BTBD7: variants seen among roughly 807,000 people sequenced by gnomAD.
BTBD7 encodes the protein BTB/POZ domain-containing protein 7.
Under a neutral mutation model 99.9 loss-of-function variants are expected in BTBD7, and 38 were observed. That is an observed-to-expected ratio of 0.38 (90% CI 0.29 to 0.50). BTBD7 has a LOEUF of 0.50. Among genes scored for constraint, BTBD7 ranks in the 20% least tolerant of loss-of-function variants. The pLI, the probability that BTBD7 is intolerant of heterozygous loss-of-function variation, is 0.93. For synonymous variants in BTBD7, 520 were observed against 511.4 expected, an observed-to-expected ratio of 1.02 and a Z score of -0.23; for missense variants, 1,170 against 1,394.6, an observed-to-expected ratio of 0.84 and a Z score of 2.57.
rs1402015332 is a variant in BTBD7, at chr14:93,282,888, CAT to C, written c.1162+10968_1162+10969del. 2.0e-5 allele frequency among the ~76,000 whole-genome samples: 3 copies of C among 152,208 alleles called. No individual in the cohort carries two copies. The East Asian group carries it at 5.8e-4, about 29-fold the overall frequency. ...AATTATTCTATTTTACTTTGAAAGT[CAT>C]ATATAAATGGTGGTATGTGCAAGGT... On this transcript the variant is annotated intron_variant, in intron 3 of 10. Transcript: ENST00000334746.
At chr14:93,300,760 GTGTGTGTGTGTGTATATATA>G (rs1566857134) in intron 1 of BTBD7, among the ~76,000 whole-genome samples, 10 of 36,458 alleles carry the variant, frequency 2.7e-4, no homozygotes, top group South Asian at 7.9e-4. Context: ...GTGTGTGTGT[GTGTGTGTGTGTGTATATATA>G]TATATATTTT....
chr14:93,290,082 A>T (rs1413149413), intron 3 of BTBD7, among the ~76,000 whole-genome samples: 5 of 151,862 alleles, frequency 3.3e-5, no homozygotes, highest in African/African-American at 1.2e-4. Flanking sequence ...CGAACTCCTG[A>T]CTTCAGGTGA....
intron 1 of BTBD7, among the ~76,000 whole-genome samples, chr14:93,300,764 GTGTGTGTGTATATA>G (rs1566857152): frequency 5.4e-4 from 17 of 31,530 alleles, no homozygotes; most frequent in East Asian, 2.2e-3. Flanking sequence ...GTGTGTGTGT[GTGTGTGTGTATATA>G]TATATATATT....
chr14:93,266,384 C>T (rs1445724540), intron 3 of BTBD7, among the ~76,000 whole-genome samples: 1 of 151,942 alleles, frequency 6.6e-6, no homozygotes, highest in African/African-American at 2.4e-5. Context: ...GTAGAGAGTT[C>T]GCAACTTATC....
chr14:93,277,277 T>C (rs1438326631), intron 3 of BTBD7, among the ~76,000 whole-genome samples: 1 of 152,190 alleles, frequency 6.6e-6, no homozygotes, highest in Non-Finnish European at 1.5e-5. Flanking sequence ...ATTAGTGTTA[T>C]CTAATACGGC....
chr14:93,250,916 C>A (rs148234222), intron 8 of BTBD7, among the ~76,000 whole-genome samples: 1 of 152,260 alleles, frequency 6.6e-6, no homozygotes, highest in African/African-American at 2.4e-5. Flanking sequence ...AGGCCATAGA[C>A]TTTAAGGTAT....
At chr14:93,281,675 A>G (rs989412463) in intron 3 of BTBD7, among the ~76,000 whole-genome samples, 2 of 152,236 alleles carry the variant, frequency 1.3e-5, no homozygotes, top group Non-Finnish European at 2.9e-5. Context: ...TTATAACAGA[A>G]TAAGATAGCA....
chr14:93,238,005 A>C lies in BTBD7; in HGVS notation c.*4268T>G, dbSNP rs2052180068. 1 of 152,424 alleles carries C rather than the reference A, an allele frequency of 6.6e-6. No homozygotes were observed. Among genetic ancestry groups the C allele is most frequent in the Non-Finnish European group, 1.5e-5 (1 of 68,052 alleles). The allele number at this position is 152,424 out of a possible 1,614,324, so 9.4% of individuals were successfully genotyped here. ...CAGCAAGGAGAGTTCAGGAACCTTT[A>C]TCTCTCAGCCACCCCATCGAAGAGC... On this transcript the variant is annotated 3_prime_UTR_variant, in exon 11 of 11. Transcript: ENST00000334746.
In BTBD7 at chr14:93,258,058, T is replaced by A. The variant is rs189518135; in HGVS notation, c.1448-703A>T. ...GAGGTGGGAAGAAAAATTATGTAAT[T>A]TGGAAATCTTTAATCATGGCTTTAA... On this transcript the variant is annotated intron_variant, in intron 5 of 10. Coordinates refer to ENST00000334746, the MANE Select transcript of BTBD7 (RefSeq NM_001002860.4). Among the ~76,000 whole-genome samples the A allele has an allele frequency of 5.6e-4, 85 of 152,290 alleles. 2 individuals carry two copies. The East Asian group carries it at 0.015, about 27-fold the overall frequency.
chr14:93,251,362 T>C, intron 8 of BTBD7, 101 bp downstream of exon 8: 1 of 1,221,168 alleles, frequency 8.2e-7, no homozygotes, highest in Non-Finnish European at 1.1e-6. Context: ...AGTATTGAAA[T>C]GTGGAGAGAA....
intron 5 of BTBD7, among the ~76,000 whole-genome samples, chr14:93,258,469 A>T (rs553196459): frequency 2.0e-5 from 3 of 152,290 alleles, no homozygotes; most frequent in African/African-American, 7.2e-5. Context: ...TAAGTGCAGA[A>T]TCCTCCTGTA....
At chr14:93,275,513 G>A (rs2052645043) in intron 3 of BTBD7, among the ~76,000 whole-genome samples, 1 of 152,210 alleles carries the variant, frequency 6.6e-6, no homozygotes, top group South Asian at 2.1e-4. Flanking sequence ...ATAACAGAGT[G>A]TAGTCTTAAA....
chr14:93,253,795 A>G lies in BTBD7; in HGVS notation c.1609-5T>C. The G allele has an allele frequency of 6.4e-7, 1 of 1,558,266 alleles. No individual in the cohort carries two copies. Among genetic ancestry groups the G allele is most frequent in the Non-Finnish European group, 8.7e-7 (1 of 1,150,250 alleles). ...ACTAATCAAGCCTCTTTTCATCTAA[A>G]AAAAAATTTTTTTTTTAGATAGAAA... On this transcript the variant is annotated splice_polypyrimidine_tract_variant and splice_region_variant and intron_variant, in intron 6 of 10. Coordinates refer to ENST00000334746, the MANE Select transcript of BTBD7 (RefSeq NM_001002860.4).
In BTBD7 at chr14:93,242,519, T is replaced by C. The variant is rs145372061; in HGVS notation, c.3153A>G (p.Pro1051=). The C allele has an allele frequency of 2.1e-4, 339 of 1,614,264 alleles. No homozygotes were observed. The highest frequency in any genetic ancestry group is 2.7e-4 in the Non-Finnish European group (322 of 1,180,040). The change falls in exon 11 of 11, where the codon CCA becomes CCG. Residue 1051 remains proline, a synonymous_variant. Coordinates refer to ENST00000334746, the MANE Select transcript of BTBD7 (RefSeq NM_001002860.4). ...LAAPENASTG[P]AHVRGRTAVE... ...CTGCAGTTCGTCCCCTGACATGGGC[T>C]GGACCGGTACTAGCATTTTCTGGGG...
At chr14:93,331,885 C>T (rs951301358) in intron 1 of BTBD7, among the ~76,000 whole-genome samples, 1 of 147,164 alleles carries the variant, frequency 6.8e-6, no homozygotes, top group Admixed American at 6.6e-5. Flanking sequence ...CGTCTCCCCC[C>T]CCCCAAAAAG....
chr14:93,254,412 A>G, intron 6 of BTBD7, among the ~76,000 whole-genome samples: 1 of 152,118 alleles, frequency 6.6e-6, no homozygotes, highest in Admixed American at 6.6e-5. Context: ...TTCTTTACTC[A>G]TCTAGGAACA....
chr14:93,328,090 T>C (rs2053354106), intron 1 of BTBD7, among the ~76,000 whole-genome samples: 1 of 152,086 alleles, frequency 6.6e-6, no homozygotes, highest in Non-Finnish European at 1.5e-5. Context: ...ACTTTTACAC[T>C]GAAAACTAAA....
chr14:93,245,435 G>A (rs963687979), intron 10 of BTBD7, among the ~76,000 whole-genome samples: 3 of 152,282 alleles, frequency 2.0e-5, no homozygotes, highest in South Asian at 2.1e-4. Context: ...CTTCTTGTCC[G>A]ATTAAAGCAT....
chr14:93,300,142 T>C (rs1312194527), intron 1 of BTBD7, among the ~76,000 whole-genome samples: 1 of 152,194 alleles, frequency 6.6e-6, no homozygotes. Context: ...TCTATGGGCC[T>C]CAGTTCCTGT....
Sources: allele counts gnomAD v4.1 joint callset (sites outside exome capture counted in the v4.1 genomes callset), GRCh38; gene constraint gnomAD v4.1.1; transcripts MANE v1.5; gene names NCBI Gene and HGNC (gene_info 2026-07-23, HGNC 2026-07-21).